Variants in BANK1 observed in about 807,000 individuals in gnomAD.
The protein encoded by BANK1 is B-cell scaffold protein with ankyrin repeats.
BANK1 carries 95 observed loss-of-function variants against 94.5 expected under a neutral mutation model. The observed-to-expected ratio is 1.00, with a 90% CI of 0.85 to 1.19. The LOEUF is 1.19. Among genes scored for constraint, BANK1 ranks in the 50% most tolerant of loss-of-function variants. The pLI, the probability that BANK1 is intolerant of heterozygous loss-of-function variation, is 0.00. For synonymous variants in BANK1, 334 were observed against 308.4 expected (o/e 1.08, Z -0.87); for missense variants, 987 against 932.2 (o/e 1.06, Z -0.77).
At chr4:102,049,949 C>T (rs1293747957) in intron 11 of BANK1, among the ~76,000 whole-genome samples, 1 of 152,156 alleles carries the variant, frequency 6.6e-6, no homozygotes, top group African/African-American at 2.4e-5. Context: ...CACATGGGCT[C>T]CTCCCAAGTG....
intron 13 of BANK1, among the ~76,000 whole-genome samples, chr4:102,064,865 AC>A (rs1728539014): frequency 6.6e-6 from 1 of 152,206 alleles, no homozygotes; most frequent in Admixed American, 6.5e-5. Context: ...GTTCTGTTGA[AC>A]TGAGAAGACA....
Position 101,895,557 on chromosome 4 carries a change from A to G in BANK1, c.1009+147A>G, listed in dbSNP as rs190466606. 11 of 517,130 alleles carry G rather than the reference A, an allele frequency of 2.1e-5. No homozygotes were observed. In the Admixed American group the frequency reaches 2.9e-4, roughly 14 times the overall value. 32.0% of individuals were successfully genotyped at this position (517,130 alleles called of 1,614,324 possible). ...CTCCTGACTCCTGGTGAAAGGGTACATTAGTACAAACTTCTGAATGTTCGT... is the reference window on the plus strand; with the variant it reads ...CTCCTGACTCCTGGTGAAAGGGTACGTTAGTACAAACTTCTGAATGTTCGT... On this transcript the variant is annotated intron_variant, in intron 6 of 16. Coordinates refer to ENST00000322953, the MANE Select transcript of BANK1 (RefSeq NM_017935.5).
chr4:102,021,520 G>C lies in BANK1; in HGVS notation c.1213G>C (p.Glu405Gln). 7.0e-7 allele frequency: 1 copy of C among 1,424,826 alleles called. No individual in the cohort carries two copies. The highest frequency in any genetic ancestry group is 9.5e-7 in the Non-Finnish European group (1 of 1,050,760). The allele number at this position is 1,424,826 out of a possible 1,614,324, so 88.3% of individuals were successfully genotyped here. A position where few individuals can be genotyped will look rare whatever the true frequency, so the allele number is the denominator to read the frequency against. ...AAAATTACATTTTTTTCAGATCCAA[G>C]AAATTGACATAAATAATGAGCAAGA... The part of the protein sequence containing the change: ...KKIFEDFSIQ[E>Q]IDINNEQEND... The change falls in exon 8 of 17, where the codon GAA becomes CAA. Residue 405 changes from glutamate to glutamine, a missense_variant. Glu to Gln is a conservative substitution (Grantham distance 29). Coordinates refer to ENST00000322953, the MANE Select transcript of BANK1 (RefSeq NM_017935.5).
intron 11 of BANK1, among the ~76,000 whole-genome samples, chr4:102,054,681 A>G (rs556393727): frequency 3.9e-4 from 59 of 152,266 alleles, no homozygotes; most frequent in African/African-American, 1.4e-3. Flanking sequence ...GAGTCCTCAA[A>G]GAAAATGAAG....
chr4:101,877,167 C>T (rs1728520923), intron 5 of BANK1, among the ~76,000 whole-genome samples: 1 of 151,994 alleles, frequency 6.6e-6, no homozygotes, highest in African/African-American at 2.4e-5. Context: ...ATTTCCCAAC[C>T]TAGAGAAAGA....
At position 102,020,195 on chromosome 4, in the gene BANK1, G is replaced by A. The variant is rs190096987; in HGVS notation, c.1207-1319G>A. 5.0e-3 allele frequency among the ~76,000 whole-genome samples: 764 copies of A among 152,130 alleles called. 7 individuals carry two copies. The highest frequency in any genetic ancestry group is 0.017 in the African/African-American group (709 of 41,522). On this transcript the variant is annotated intron_variant, in intron 7 of 16. Transcript: ENST00000322953. Reference sequence around the variant, plus strand: ...AAATTAGTAAAAAAAAATCCTTGAAGTGGTTTTGGGAGTACTATGGGTTTT... The same window carrying A: ...AAATTAGTAAAAAAAAATCCTTGAAATGGTTTTGGGAGTACTATGGGTTTT...
chr4:101,819,889 G>A (rs1726073487), intron 1 of BANK1, among the ~76,000 whole-genome samples: 1 of 152,182 alleles, frequency 6.6e-6, no homozygotes, highest in Non-Finnish European at 1.5e-5. Context: ...TGTGAGCTAA[G>A]AATGGTTTTT....
intron 7 of BANK1, among the ~76,000 whole-genome samples, chr4:101,970,593 C>T (rs1724921061): frequency 6.6e-6 from 1 of 152,016 alleles, no homozygotes; most frequent in Non-Finnish European, 1.5e-5. Context: ...TGAACATTCA[C>T]TTTAGGAAAG....
chr4:101,875,781 G>A (rs1728468894), intron 5 of BANK1, among the ~76,000 whole-genome samples: 1 of 152,128 alleles, frequency 6.6e-6, no homozygotes, highest in South Asian at 2.1e-4. Context: ...TCCACTACTG[G>A]CTAAAGTGGT....
chr4:101,830,033 A>G lies in BANK1; in HGVS notation c.296A>G (p.Gln99Arg). ...AGAGACCTAACTCCAAAGAAATGTCAGTTTCTGGAAAAGATACTTCATTCA... is the reference window on the plus strand; with the variant it reads ...AGAGACCTAACTCCAAAGAAATGTCGGTTTCTGGAAAAGATACTTCATTCA... ...LLRDLTPKKCQFLEKILHSPK... is the reference protein window; with the variant it reads ...LLRDLTPKKCRFLEKILHSPK... Residue 99 changes from glutamine (Q) to arginine (R), a missense_variant, in exon 2 of 17, where the codon CAG becomes CGG. Gln to Arg is a conservative substitution (Grantham distance 43). Coordinates refer to ENST00000322953, the MANE Select transcript of BANK1 (RefSeq NM_017935.5). The G allele has an allele frequency of 6.2e-7, 1 of 1,613,752 alleles. No homozygotes were observed. The highest frequency in any genetic ancestry group is 8.5e-7 in the Non-Finnish European group (1 of 1,179,846).
intron 1 of BANK1, among the ~76,000 whole-genome samples, chr4:101,804,245 A>G (rs1725473570): frequency 6.6e-6 from 1 of 152,190 alleles, no homozygotes; most frequent in Admixed American, 6.5e-5. Context: ...TCATAACTGC[A>G]TAAAATTAAC....
chr4:101,883,719 G>T (rs1242247792), intron 5 of BANK1, among the ~76,000 whole-genome samples: 1 of 152,054 alleles, frequency 6.6e-6, no homozygotes, highest in African/African-American at 2.4e-5. Flanking sequence ...TTTTTTAGAG[G>T]ATTCATGTCT....
chr4:101,820,845 T>G (rs1726114260), intron 1 of BANK1, among the ~76,000 whole-genome samples: 1 of 152,244 alleles, frequency 6.6e-6, no homozygotes, highest in Admixed American at 6.5e-5. Context: ...GGTGTGTATG[T>G]ACCACATTCT....
chr4:101,801,130 T>C (rs549841233), intron 1 of BANK1, among the ~76,000 whole-genome samples: 6 of 152,304 alleles, frequency 3.9e-5, no homozygotes, highest in African/African-American at 1.2e-4. Flanking sequence ...TCTAGACATG[T>C]GGCTGTTGAG....
At chr4:101,936,925 G>A (rs1364776892) in intron 7 of BANK1, among the ~76,000 whole-genome samples, 1 of 151,522 alleles carries the variant, frequency 6.6e-6, no homozygotes, top group African/African-American at 2.4e-5. Context: ...TAAAAATAGA[G>A]CTACCATATG....
chr4:101,965,905 G>T (rs1189842927), intron 7 of BANK1, among the ~76,000 whole-genome samples: 1 of 152,078 alleles, frequency 6.6e-6, no homozygotes, highest in Non-Finnish European at 1.5e-5. Context: ...ATAGCCTTAT[G>T]ATATTCAGGA....
At chr4:101,866,570 A>G (rs1728073827) in intron 4 of BANK1, among the ~76,000 whole-genome samples, 1 of 152,158 alleles carries the variant, frequency 6.6e-6, no homozygotes, top group African/African-American at 2.4e-5. Flanking sequence ...TGAAAACAAA[A>G]GAGAAAATCT....
intron 7 of BANK1, among the ~76,000 whole-genome samples, chr4:101,996,169 A>G (rs1164278866): frequency 6.6e-6 from 1 of 152,162 alleles, no homozygotes; most frequent in African/African-American, 2.4e-5. Context: ...TCCCAACACC[A>G]TTTATTAAAT....
At chr4:102,067,134 TA>T (rs1028596268) in intron 13 of BANK1, among the ~76,000 whole-genome samples, 2 of 151,856 alleles carry the variant, frequency 1.3e-5, no homozygotes, top group East Asian at 1.9e-4. Context: ...AGAAATCAGT[TA>T]AAAAATAGAT....
Sources: gnomAD v4.1 joint callset for allele counts (sites outside exome capture counted in the v4.1 genomes callset) on GRCh38, gnomAD v4.1.1 for gene constraint, MANE v1.5 for transcripts, NCBI Gene and HGNC (gene_info 2026-07-23, HGNC 2026-07-21) for gene names.